ZNF107: variants seen among roughly 807,000 people sequenced by gnomAD.
ZNF107 encodes the protein C2H2 type zinc-finger protein.
In ZNF107, 19 loss-of-function variants were observed where a neutral mutation model predicts 12.3. The ratio of observed to expected loss-of-function variants is 1.55; its 90% confidence interval spans 1.08 to 2.27. The LOEUF (loss-of-function observed/expected upper bound fraction) is 2.27, where lower values mean the gene tolerates loss of function less well. Among genes scored for constraint, ZNF107 ranks in the 30% most tolerant of loss-of-function variants. ZNF107 has a pLI of 0.00. For missense variants in ZNF107, 958 were observed against 979.9 expected (o/e 0.98, Z 0.30); for synonymous variants, 317 against 330.5 (o/e 0.96, Z 0.44).
intron 3 of ZNF107, among the ~76,000 whole-genome samples, chr7:64,702,217 C>T (rs1055637706): frequency 7.9e-5 from 12 of 151,540 alleles, no homozygotes; most frequent in South Asian, 2.1e-4. Flanking sequence ...GGCATGATCT[C>T]GGCTCACTGC....
chr7:64,682,209 C>G (rs1394059095), intron 1 of ZNF107, among the ~76,000 whole-genome samples: 3 of 151,988 alleles, frequency 2.0e-5, no homozygotes, highest in Non-Finnish European at 4.4e-5. Flanking sequence ...ATGTCCCCTT[C>G]TAAAGCTCAA....
intron 1 of ZNF107, among the ~76,000 whole-genome samples, chr7:64,673,853 CT>C (rs1447168681): frequency 1.3e-5 from 2 of 152,172 alleles, no homozygotes; most frequent in African/African-American, 4.8e-5. Flanking sequence ...CTCATGTCAG[CT>C]TTGTGAGAAG....
At chr7:64,686,855 A>AC in intron 1 of ZNF107, 1 of 978,514 alleles carries the variant, frequency 1.0e-6, no homozygotes, top group Non-Finnish European at 1.2e-6. Context: ...GCCCACTAAC[A>AC]CCCAAGTGAA....
chr7:64,693,503 A>G (rs984772097), intron 3 of ZNF107, among the ~76,000 whole-genome samples: 1 of 151,970 alleles, frequency 6.6e-6, no homozygotes, highest in East Asian at 1.9e-4. Flanking sequence ...AGGTGATGGG[A>G]TGCCCTCTGG....
intron 1 of ZNF107, chr7:64,686,644 A>G (rs1417694017): frequency 1.0e-6 from 1 of 985,270 alleles, no homozygotes; most frequent in Middle Eastern, 5.2e-4. Context: ...ACCAGCACAT[A>G]TGCCTCCAGA....
At chr7:64,667,509 T>C (rs1446922986) in intron 1 of ZNF107, among the ~76,000 whole-genome samples, 1 of 152,252 alleles carries the variant, frequency 6.6e-6, no homozygotes, top group African/African-American at 2.4e-5. Context: ...AGGTTTCCCT[T>C]TGGAAACTTT....
At chr7:64,680,683 G>A (rs1789626360) in intron 1 of ZNF107, among the ~76,000 whole-genome samples, 1 of 152,202 alleles carries the variant, frequency 6.6e-6, no homozygotes, top group Admixed American at 6.5e-5. Flanking sequence ...GGGGCCAGAA[G>A]GCCGACTCAT....
intron 1 of ZNF107, among the ~76,000 whole-genome samples, chr7:64,680,976 C>T (rs1230181249): frequency 6.6e-6 from 1 of 152,194 alleles, no homozygotes; most frequent in African/African-American, 2.4e-5. Flanking sequence ...AAAATAGTCA[C>T]TGGGCCAAGG....
intron 3 of ZNF107, among the ~76,000 whole-genome samples, chr7:64,704,331 C>T (rs1447617182): frequency 2.0e-5 from 3 of 152,102 alleles, no homozygotes; most frequent in Non-Finnish European, 2.9e-5. Flanking sequence ...CTGCAACCTC[C>T]GTTTCCCAGG....
chr7:64,670,835 G>A (rs12667645), intron 1 of ZNF107, among the ~76,000 whole-genome samples: 7,138 of 152,124 alleles, frequency 0.047, 448 homozygotes, highest in African/African-American at 0.14. Context: ...GCAGAGTTCT[G>A]TGAGTAGCTT....
chr7:64,701,016 A>G (rs1037578250), intron 3 of ZNF107, among the ~76,000 whole-genome samples: 1 of 152,150 alleles, frequency 6.6e-6, no homozygotes, highest in African/African-American at 2.4e-5. Context: ...CATTTTTGTC[A>G]GTATTTTCTT....
At chr7:64,672,463 C>A (rs1032843363) in intron 1 of ZNF107, among the ~76,000 whole-genome samples, 4 of 152,028 alleles carry the variant, frequency 2.6e-5, no homozygotes, top group East Asian at 3.9e-4. Context: ...CTCAAGCAAT[C>A]CTCCTACCTA....
intron 1 of ZNF107, among the ~76,000 whole-genome samples, chr7:64,682,242 G>A (rs4718099): frequency 0.93 from 141,135 of 151,892 alleles, 65,600 homozygotes; most frequent in African/African-American, 0.94. Context: ...TCTGTTATTT[G>A]TCTCAGCATA....
chr7:64,686,439 AC>A (rs527966238), intron 1 of ZNF107: 509 of 870,318 alleles, frequency 5.8e-4, no homozygotes, highest in Non-Finnish European at 6.7e-4. Flanking sequence ...CCTCAATGTC[AC>A]CCCCACCCCA....
Position 64,679,289 on chromosome 7 carries a change from G to A in ZNF107, c.4-11959G>A, listed in dbSNP as rs535794092. The A allele has an allele frequency of 1.4e-3, 1,418 of 985,062 alleles. 3 individuals are homozygous for A. Among genetic ancestry groups the A allele is most frequent in the Middle Eastern group, 7.3e-3 (14 of 1,916 alleles). The allele number at this position is 985,062 out of a possible 1,614,324, so 61.0% of individuals were successfully genotyped here. Reference sequence around the variant, plus strand: ...CTTGAAGAGACCCACCCGCGACCTCGGTACCTCGGACCAGCTCTGTAAAAG... The same window carrying A: ...CTTGAAGAGACCCACCCGCGACCTCAGTACCTCGGACCAGCTCTGTAAAAG... On this transcript the variant is annotated intron_variant, in intron 1 of 3. Coordinates refer to ENST00000620827, the MANE Select transcript of ZNF107 (RefSeq NM_001282359.2).
At chr7:64,679,750 A>G (rs1005224949) in intron 1 of ZNF107, among the ~76,000 whole-genome samples, 3 of 152,146 alleles carry the variant, frequency 2.0e-5, no homozygotes, top group East Asian at 1.9e-4. Context: ...AATATAAATT[A>G]GACAGTGGCT....
intron 3 of ZNF107, among the ~76,000 whole-genome samples, chr7:64,705,222 G>GT (rs1790599575): frequency 6.6e-6 from 1 of 151,854 alleles, no homozygotes; most frequent in African/African-American, 2.4e-5. Flanking sequence ...GCTTATATAT[G>GT]TTTTATAAAT....
At chr7:64,699,157 T>A (rs987710651) in intron 3 of ZNF107, among the ~76,000 whole-genome samples, 1 of 151,976 alleles carries the variant, frequency 6.6e-6, no homozygotes, top group Non-Finnish European at 1.5e-5. Context: ...AATAAAAATT[T>A]AAAATTTTAA....
At chr7:64,682,955 C>G (rs1457040564) in intron 1 of ZNF107, among the ~76,000 whole-genome samples, 1 of 152,212 alleles carries the variant, frequency 6.6e-6, no homozygotes, top group African/African-American at 2.4e-5. Context: ...CCTCTCCTCA[C>G]ATTTCTGTTT....
Sources: gnomAD v4.1 joint callset for allele counts (sites outside exome capture counted in the v4.1 genomes callset) on GRCh38, gnomAD v4.1.1 for gene constraint, MANE v1.5 for transcripts, NCBI Gene and HGNC (gene_info 2026-07-23, HGNC 2026-07-21) for gene names.